SCFD1: variants seen among roughly 807,000 people sequenced by gnomAD.
SCFD1 encodes the protein sec1 family domain containing 1, also known as sec1 family domain-containing protein 1.
In SCFD1, 37 loss-of-function variants were observed where a neutral mutation model predicts 103.2. That is an observed-to-expected ratio of 0.36 (90% CI 0.28 to 0.47). The LOEUF is 0.47. SCFD1 is among the 20% of genes least tolerant of loss of function. SCFD1 has a pLI of 1.00. For missense variants in SCFD1, 639 were observed against 761.2 expected, an observed-to-expected ratio of 0.84 and a Z score of 1.89; for synonymous variants, 264 against 245.0, an observed-to-expected ratio of 1.08 and a Z score of -0.73.
At chr14:30,722,371 A>G (rs1429891987) in intron 22 of SCFD1, 123 bp from the exon 23 acceptor site, 1 of 599,920 alleles carries the variant, frequency 1.7e-6, no homozygotes, top group African/African-American at 1.9e-5. Context: ...ACATTTCTTA[A>G]TAATTAAAAT....
intron 19 of SCFD1, among the ~76,000 whole-genome samples, chr14:30,709,826 T>A (rs1891740020): frequency 3.3e-5 from 5 of 152,248 alleles, no homozygotes; most frequent in Admixed American, 3.3e-4. Context: ...TCTACGGTAA[T>A]GTCTGCCTTT....
chr14:30,667,878 A>G (rs891967025), intron 10 of SCFD1, among the ~76,000 whole-genome samples: 5 of 152,194 alleles, frequency 3.3e-5, no homozygotes, highest in African/African-American at 1.2e-4. Flanking sequence ...GAGAACTACA[A>G]ACCACTGCTC....
chr14:30,631,479 T>C (rs229152), intron 3 of SCFD1, among the ~76,000 whole-genome samples: 74,905 of 151,932 alleles, frequency 0.49, 21,462 homozygotes, highest in African/African-American at 0.79. Flanking sequence ...ATGATTTCTA[T>C]TGAATATGCA....
intron 20 of SCFD1, 83 bp from the exon 21 acceptor site, chr14:30,719,242 C>G: frequency 4.9e-6 from 4 of 810,690 alleles, no homozygotes; most frequent in South Asian, 4.5e-5. Flanking sequence ...TTGATAGATT[C>G]ATTAAAATAG....
chr14:30,726,306 AT>A (rs1249251509), intron 23 of SCFD1, among the ~76,000 whole-genome samples: 16 of 152,328 alleles, frequency 1.1e-4, no homozygotes, highest in African/African-American at 3.4e-4. Context: ...GTTTTGTGAA[AT>A]TTTATAACAA....
chr14:30,667,038 C>T (rs1888042667), intron 10 of SCFD1, among the ~76,000 whole-genome samples: 1 of 152,158 alleles, frequency 6.6e-6, no homozygotes, highest in South Asian at 2.1e-4. Flanking sequence ...AGAGGGAATC[C>T]TCCCTAACTC....
intron 19 of SCFD1, among the ~76,000 whole-genome samples, chr14:30,712,194 C>T (rs73254556): frequency 0.036 from 5,502 of 152,242 alleles, 157 homozygotes; most frequent in African/African-American, 0.061. Flanking sequence ...TGTCCACACA[C>T]GCCATCTAAT....
intron 23 of SCFD1, among the ~76,000 whole-genome samples, chr14:30,724,108 G>A (rs1892853280): frequency 6.9e-6 from 1 of 145,540 alleles, no homozygotes; most frequent in Admixed American, 6.9e-5. Context: ...GCTGACTGGT[G>A]TAAGATGGTA....
rs78452335 is a variant in SCFD1, at chr14:30,726,050, G to A, written c.1836+3491G>A. ...ACACATGGTTGCAATAGACACTTACGCATTCCACACGCTCTTACCCTTGGT... is the reference window on the plus strand; with the variant it reads ...ACACATGGTTGCAATAGACACTTACACATTCCACACGCTCTTACCCTTGGT... On this transcript the variant is annotated intron_variant, in intron 23 of 24. Transcript: ENST00000458591. Among the ~76,000 whole-genome samples, 37 of 152,206 alleles carry A rather than the reference G, an allele frequency of 2.4e-4. 2 individuals are homozygous for A. The East Asian group carries it at 7.2e-3, about 29-fold the overall frequency.
chr14:30,643,341 C>CA lies in SCFD1; in HGVS notation c.550dup (p.Thr184AsnfsTer12), dbSNP rs1885476691. The CA allele has an allele frequency of 6.2e-7, 1 of 1,613,142 alleles. No individual in the cohort carries two copies. On this transcript the variant is annotated frameshift_variant, in exon 7 of 25. Coordinates refer to ENST00000458591, the MANE Select transcript of SCFD1 (RefSeq NM_016106.4). LOFTEE classifies it high-confidence loss of function. ...CCATTAACAGGCCAGATATCACAGA[C>CA]ACGGAAATGGAAACTGTTATGGACA... is the stretch of plus-strand genomic sequence containing the variant.
intron 24 of SCFD1, 98 bp downstream of exon 24, chr14:30,734,956 C>A: frequency 1.1e-6 from 1 of 909,686 alleles, no homozygotes; most frequent in Non-Finnish European, 1.7e-6. Context: ...TCACCTGAAC[C>A]AGCCGAAACC....
intron 23 of SCFD1, among the ~76,000 whole-genome samples, chr14:30,729,249 C>T (rs147541530): frequency 3.3e-5 from 5 of 152,072 alleles, no homozygotes; most frequent in Non-Finnish European, 4.4e-5. Context: ...TTTATTTCGG[C>T]GAAGTCCAGT....
chr14:30,672,014 T>TAA (rs567181542), intron 11 of SCFD1, among the ~76,000 whole-genome samples: 1,996 of 136,150 alleles, frequency 0.015, 42 homozygotes, highest in African/African-American at 0.052. Context: ...AACTCCATCT[T>TAA]AAAAAAAAAA....
At chr14:30,716,266 C>A (rs1056893783) in intron 20 of SCFD1, among the ~76,000 whole-genome samples, 13 of 152,082 alleles carry the variant, frequency 8.5e-5, no homozygotes. Flanking sequence ...GAACAAATTT[C>A]TATAAATGAA....
chr14:30,727,627 A>C (rs111735939), intron 23 of SCFD1, among the ~76,000 whole-genome samples: 1 of 152,230 alleles, frequency 6.6e-6, no homozygotes, highest in Non-Finnish European at 1.5e-5. Flanking sequence ...AGATACCAAA[A>C]TAATGTTACC....
At chr14:30,638,311 C>T (rs8014225) in intron 5 of SCFD1, 64 bp downstream of exon 5, 62,003 of 1,603,930 alleles carry the variant, frequency 0.039, 1,550 homozygotes, top group Admixed American at 0.1. Context: ...TTCTGAAACC[C>T]GTAGTTGGCA....
At chr14:30,728,742 A>G (rs191344122) in intron 23 of SCFD1, among the ~76,000 whole-genome samples, 222 of 151,658 alleles carry the variant, frequency 1.5e-3, no homozygotes, top group Middle Eastern at 6.8e-3. Flanking sequence ...TTTGTTATCT[A>G]TATTTTCCTG....
chr14:30,722,458 C>A, intron 22 of SCFD1, 36 bp from the exon 23 acceptor site: 1 of 1,390,562 alleles, frequency 7.2e-7, no homozygotes, highest in Non-Finnish European at 1.0e-6. Flanking sequence ...AGACTAAAAA[C>A]TGTGTTTTTT....
Position 30,718,590 on chromosome 14 carries a change from G to A in SCFD1, c.1684-735G>A, listed in dbSNP as rs1892445963. Among the ~76,000 whole-genome samples, 6 of 152,224 alleles carry A rather than the reference G, an allele frequency of 3.9e-5. No individual in the cohort carries two copies. The South Asian group carries it at 1.2e-3, about 31-fold the overall frequency. On this transcript the variant is annotated intron_variant, in intron 20 of 24. Coordinates refer to ENST00000458591, the MANE Select transcript of SCFD1 (RefSeq NM_016106.4). ...GATTAGCAAAATGCTAAAGAGATTAGCAAAGTATACTAAGTTAGACCTGAT... is the reference window on the plus strand; with the variant it reads ...GATTAGCAAAATGCTAAAGAGATTAACAAAGTATACTAAGTTAGACCTGAT...
Sources: allele counts gnomAD v4.1 joint callset (sites outside exome capture counted in the v4.1 genomes callset), GRCh38; gene constraint gnomAD v4.1.1; transcripts MANE v1.5; gene names NCBI Gene and HGNC (gene_info 2026-07-23, HGNC 2026-07-21).